CWC27: variants seen among roughly 807,000 people sequenced by gnomAD.
The protein encoded by CWC27 is CWC27 spliceosome associated cyclophilin, also known as spliceosome-associated protein CWC27 homolog.
CWC27 carries 47 observed loss-of-function variants against 63.6 expected under a neutral mutation model. That is an observed-to-expected ratio of 0.74 (90% CI 0.58 to 0.94). The LOEUF (loss-of-function observed/expected upper bound fraction) is 0.94, where lower values mean the gene tolerates loss of function less well. Among genes scored for constraint, CWC27 ranks in the 40% least tolerant of loss-of-function variants. The pLI is 0.00. For missense variants in CWC27, 495 were observed against 554.3 expected (o/e 0.89, Z 1.07); for synonymous variants, 175 against 179.8 (o/e 0.97, Z 0.22).
At chr5:64,891,164 G>A (rs1246215822) in intron 11 of CWC27, among the ~76,000 whole-genome samples, 1 of 152,044 alleles carries the variant, frequency 6.6e-6, no homozygotes, top group East Asian at 1.9e-4. Flanking sequence ...AGTTTAAATT[G>A]TATTTATTAT....
chr5:64,978,809 A>G (rs1749279173), intron 13 of CWC27, among the ~76,000 whole-genome samples: 1 of 152,184 alleles, frequency 6.6e-6, no homozygotes, highest in Non-Finnish European at 1.5e-5. Flanking sequence ...GTGTTTTGTA[A>G]GAGCAGTTTG....
intron 13 of CWC27, among the ~76,000 whole-genome samples, chr5:64,998,133 C>A (rs187360085): frequency 6.6e-6 from 1 of 152,074 alleles, no homozygotes; most frequent in Admixed American, 6.6e-5. Flanking sequence ...CTTAACCCTG[C>A]GCTTTCATAT....
intron 7 of CWC27, among the ~76,000 whole-genome samples, chr5:64,797,376 C>T (rs1289800914): frequency 6.6e-6 from 1 of 152,142 alleles, no homozygotes; most frequent in Non-Finnish European, 1.5e-5. Context: ...CTAATTTCTT[C>T]AGTTCATCTC....
intron 11 of CWC27, among the ~76,000 whole-genome samples, chr5:64,898,592 C>G (rs1747433306): frequency 6.6e-6 from 1 of 151,762 alleles, no homozygotes; most frequent in African/African-American, 2.4e-5. Flanking sequence ...CAAGGAGTGT[C>G]ATTAGTGAAA....
At chr5:64,864,419 G>A (rs894823276) in intron 10 of CWC27, among the ~76,000 whole-genome samples, 11 of 152,114 alleles carry the variant, frequency 7.2e-5, no homozygotes, top group South Asian at 2.1e-4. Flanking sequence ...GAAGTGGGTG[G>A]CAGTTTTGCC....
At chr5:64,948,913 C>T (rs1437349089) in intron 11 of CWC27, among the ~76,000 whole-genome samples, 1 of 151,890 alleles carries the variant, frequency 6.6e-6, no homozygotes, top group Non-Finnish European at 1.5e-5. Context: ...TAATAGTCTA[C>T]AGAACCTTGA....
At chr5:64,898,659 AAG>A (rs1747434979) in intron 11 of CWC27, among the ~76,000 whole-genome samples, 1 of 152,136 alleles carries the variant, frequency 6.6e-6, no homozygotes, top group Non-Finnish European at 1.5e-5. Flanking sequence ...TTAAAAAAGA[AAG>A]AGGGAGAGAG....
chr5:64,916,192 T>C (rs1209739001), intron 11 of CWC27, among the ~76,000 whole-genome samples: 1 of 152,250 alleles, frequency 6.6e-6, no homozygotes, highest in Non-Finnish European at 1.5e-5. Context: ...CCATATTTGC[T>C]TAACTATCTT....
intron 11 of CWC27, among the ~76,000 whole-genome samples, chr5:64,904,793 G>A (rs1561150349): frequency 6.6e-6 from 1 of 152,158 alleles, no homozygotes; most frequent in Non-Finnish European, 1.5e-5. Flanking sequence ...ACTCAGATAA[G>A]GATTGGAATA....
rs145979905 is a variant in CWC27 at position 64,910,562 on chromosome 5, G to A, written c.1042+25016G>A. Among the ~76,000 whole-genome samples the A allele has an allele frequency of 2.3e-3, 351 of 152,348 alleles. 1 individual carries two copies. Among genetic ancestry groups the A allele is most frequent in the Non-Finnish European group, 3.9e-3 (265 of 68,030 alleles). On this transcript the variant is annotated intron_variant, in intron 11 of 13. Coordinates refer to ENST00000381070, the MANE Select transcript of CWC27 (RefSeq NM_005869.4). ...TCTATGCCCTGCCCCCAGAGGTGGA[G>A]TCTACAGAGGCAGCAGGCCTTGCTG...
chr5:64,785,916 G>A (rs1196542130), intron 5 of CWC27, among the ~76,000 whole-genome samples: 2 of 152,014 alleles, frequency 1.3e-5, no homozygotes, highest in African/African-American at 2.4e-5. Context: ...TGTAATCTCA[G>A]CACTTTGGGA....
chr5:64,787,807 T>C (rs1410822822), intron 6 of CWC27, among the ~76,000 whole-genome samples: 1 of 152,118 alleles, frequency 6.6e-6, no homozygotes, highest in African/African-American at 2.4e-5. Context: ...ATTCTAGATA[T>C]AATCCTGCCA....
intron 11 of CWC27, among the ~76,000 whole-genome samples, chr5:64,942,784 G>A (rs1748511459): frequency 6.6e-6 from 1 of 152,186 alleles, no homozygotes; most frequent in South Asian, 2.1e-4. Context: ...CTTGCCTTGA[G>A]CAGCATAAAT....
intron 7 of CWC27, among the ~76,000 whole-genome samples, chr5:64,799,828 G>A (rs1744425463): frequency 6.6e-6 from 1 of 151,748 alleles, no homozygotes; most frequent in Admixed American, 6.6e-5. Flanking sequence ...TCTTTTGCTT[G>A]AGTAACATTT....
chr5:64,910,758 C>A (rs941654005), intron 11 of CWC27, among the ~76,000 whole-genome samples: 21 of 152,330 alleles, frequency 1.4e-4, no homozygotes, highest in Admixed American at 9.8e-4. Flanking sequence ...CCAGCCGAGC[C>A]AGGCACAGGA....
intron 11 of CWC27, among the ~76,000 whole-genome samples, chr5:64,926,795 T>C (rs2112396915): frequency 6.6e-6 from 1 of 152,288 alleles, no homozygotes; most frequent in East Asian, 1.9e-4. Context: ...ACTTTCCTAC[T>C]ATGAGCAGGT....
At chr5:64,965,339 A>G (rs1336617695) in intron 11 of CWC27, among the ~76,000 whole-genome samples, 3 of 152,212 alleles carry the variant, frequency 2.0e-5, no homozygotes, top group African/African-American at 7.2e-5. Context: ...CAAAAAGTCA[A>G]GTTTTTATAC....
intron 10 of CWC27, among the ~76,000 whole-genome samples, chr5:64,836,277 A>C (rs1745655217): frequency 1.3e-5 from 2 of 151,896 alleles, no homozygotes; most frequent in Admixed American, 6.6e-5. Flanking sequence ...CCTAATGTTC[A>C]TTTGTGGCTC....
intron 11 of CWC27, among the ~76,000 whole-genome samples, chr5:64,959,938 T>C (rs1197125761): frequency 6.6e-6 from 1 of 152,192 alleles, no homozygotes; most frequent in Non-Finnish European, 1.5e-5. Context: ...TACGGTGTGC[T>C]TGGGAGCCAC....
Sources: gnomAD v4.1 joint callset for allele counts (sites outside exome capture counted in the v4.1 genomes callset) on GRCh38, gnomAD v4.1.1 for gene constraint, MANE v1.5 for transcripts, NCBI Gene and HGNC (gene_info 2026-07-23, HGNC 2026-07-21) for gene names.